KCNB2: variants seen among roughly 807,000 people sequenced by gnomAD.
KCNB2 encodes the protein potassium voltage-gated channel subfamily B member 2.
Under a neutral mutation model 61.5 loss-of-function variants are expected in KCNB2, and 15 were observed. That is an observed-to-expected ratio of 0.24 (90% CI 0.16 to 0.38). The LOEUF (loss-of-function observed/expected upper bound fraction) is 0.38, where lower values mean the gene tolerates loss of function less well. Among genes scored for constraint, KCNB2 ranks in the 10% least tolerant of loss-of-function variants. The probability of loss-of-function intolerance (pLI) is 1.00; values close to 1 mark genes in which losing one functional copy is unlikely to be tolerated. For missense variants in KCNB2, 828 were observed against 1,125.2 expected (o/e 0.74, Z 3.78); for synonymous variants, 457 against 446.0 (o/e 1.02, Z -0.31).
chr8:72,795,784 T>C (rs1437449043), intron 2 of KCNB2, among the ~76,000 whole-genome samples: 1 of 152,202 alleles, frequency 6.6e-6, no homozygotes, highest in Non-Finnish European at 1.5e-5. Flanking sequence ...AAAACATTTG[T>C]GCAACCATTG....
intron 2 of KCNB2, among the ~76,000 whole-genome samples, chr8:72,571,445 C>A (rs994797054): frequency 1.3e-5 from 2 of 152,128 alleles, no homozygotes; most frequent in Non-Finnish European, 2.9e-5. Context: ...TTACATTTAA[C>A]AAATTAACAT....
rs983654502 is a variant in KCNB2 at position 72,936,570 on chromosome 8, G to A, written c.1215G>A (p.Gly405=). The change falls in exon 3 of 3, where the codon GGG becomes GGA. Residue 405 remains glycine (G), a synonymous_variant. Transcript: ENST00000523207. This position sits in a 1 kb window ranked among gnomAD's most constrained non-coding sequence, Gnocchi z 5.6. ...KIVGGLCCIA[G]VLVIALPIPI... is the part of the protein sequence containing the mutation. ...TGGGAGGTCTGTGCTGTATTGCTGG[G>A]GTTCTGGTTATTGCCCTTCCTATCC... The A allele has an allele frequency of 6.2e-7, 1 of 1,614,132 alleles. No individual in the cohort carries two copies. Among genetic ancestry groups the A allele is most frequent in the Non-Finnish European group, 8.5e-7 (1 of 1,180,020 alleles).
chr8:72,667,311 C>A (rs1214351332), intron 2 of KCNB2, among the ~76,000 whole-genome samples: 1 of 152,144 alleles, frequency 6.6e-6, no homozygotes, highest in Admixed American at 6.6e-5. Context: ...TGCACACATT[C>A]TCTCTAGGTG....
chr8:72,845,117 G>A (rs1036492046), intron 2 of KCNB2, among the ~76,000 whole-genome samples: 5 of 152,092 alleles, frequency 3.3e-5, no homozygotes, highest in Non-Finnish European at 5.9e-5. Context: ...CTTTGGATGG[G>A]GTTTTTGTGT....
chr8:72,897,110 C>T (rs1477101723), intron 2 of KCNB2, among the ~76,000 whole-genome samples: 1 of 151,948 alleles, frequency 6.6e-6, no homozygotes, highest in African/African-American at 2.4e-5. Flanking sequence ...TAGGAAATTG[C>T]CTTGATCTTT....
intron 2 of KCNB2, among the ~76,000 whole-genome samples, chr8:72,737,677 C>T (rs1807871750): frequency 6.6e-6 from 1 of 152,094 alleles, no homozygotes; most frequent in Non-Finnish European, 1.5e-5. Context: ...TTAGTACTAA[C>T]TAGTAGTTGG....
intron 2 of KCNB2, among the ~76,000 whole-genome samples, chr8:72,840,652 T>C (rs7009462): frequency 0.85 from 129,734 of 152,152 alleles, 56,278 homozygotes; most frequent in Middle Eastern, 0.97. Flanking sequence ...ATTTCTCTAA[T>C]GACCAGTGAT....
At chr8:72,764,769 C>T (rs1326406200) in intron 2 of KCNB2, among the ~76,000 whole-genome samples, 2 of 152,126 alleles carry the variant, frequency 1.3e-5, no homozygotes, top group Non-Finnish European at 2.9e-5. Context: ...TAGGAGAGTA[C>T]GTTCTCAAAT....
chr8:72,701,416 G>T (rs2128991046), intron 2 of KCNB2, among the ~76,000 whole-genome samples: 1 of 152,174 alleles, frequency 6.6e-6, no homozygotes, highest in Middle Eastern at 3.4e-3. Context: ...GTCATTTAAT[G>T]ACAAAGTTAT....
At chr8:72,883,229 C>G (rs1215524572) in intron 2 of KCNB2, among the ~76,000 whole-genome samples, 2 of 152,292 alleles carry the variant, frequency 1.3e-5, no homozygotes, top group East Asian at 3.9e-4. Flanking sequence ...TAGGAAAGCC[C>G]TGAAAAGAAG....
chr8:72,826,372 G>T (rs1809596283), intron 2 of KCNB2, among the ~76,000 whole-genome samples: 1 of 152,174 alleles, frequency 6.6e-6, no homozygotes, highest in African/African-American at 2.4e-5. Context: ...GCATCCTAAT[G>T]AAAGTGCATT....
At chr8:72,902,600 A>T (rs1012567916) in intron 2 of KCNB2, among the ~76,000 whole-genome samples, 4 of 152,168 alleles carry the variant, frequency 2.6e-5, no homozygotes, top group Non-Finnish European at 4.4e-5. Context: ...AATGTCTATT[A>T]TTTCACTCTG....
intron 2 of KCNB2, chr8:72,751,337 A>C (rs1474666840): frequency 6.6e-6 from 1 of 152,214 alleles, no homozygotes; most frequent in East Asian, 1.9e-4. Context: ...TTTGTAAAAC[A>C]TTCTTATGCA....
At chr8:72,829,235 T>TA (rs1809649017) in intron 2 of KCNB2, among the ~76,000 whole-genome samples, 1 of 152,218 alleles carries the variant, frequency 6.6e-6, no homozygotes, top group African/African-American at 2.4e-5. Context: ...GACACTGTCT[T>TA]ACAGGACTTA....
intron 2 of KCNB2, among the ~76,000 whole-genome samples, chr8:72,853,577 T>C (rs1287717885): frequency 6.6e-6 from 1 of 152,208 alleles, no homozygotes; most frequent in African/African-American, 2.4e-5. Flanking sequence ...AATTTCTTTA[T>C]CTGTAAAATA....
At chr8:72,746,583 C>G (rs2128995182) in intron 2 of KCNB2, among the ~76,000 whole-genome samples, 1 of 152,272 alleles carries the variant, frequency 6.6e-6, no homozygotes, top group East Asian at 1.9e-4. Flanking sequence ...GTGGCTTCAT[C>G]TACTGGTTTT....
At chr8:72,857,070 C>T (rs1053062623) in intron 2 of KCNB2, among the ~76,000 whole-genome samples, 2 of 152,174 alleles carry the variant, frequency 1.3e-5, no homozygotes, top group African/African-American at 4.8e-5. Flanking sequence ...TTACTTCATT[C>T]ATTCTTTTAG....
chr8:72,846,194 G>A (rs1216935602), intron 2 of KCNB2, among the ~76,000 whole-genome samples: 1 of 152,110 alleles, frequency 6.6e-6, no homozygotes, highest in African/African-American at 2.4e-5. Flanking sequence ...CCTTGGCTAG[G>A]AGAAGGAGTT....
intron 2 of KCNB2, among the ~76,000 whole-genome samples, chr8:72,747,520 A>T (rs753738438): frequency 2.0e-5 from 3 of 151,848 alleles, no homozygotes; most frequent in Non-Finnish European, 4.4e-5. Context: ...CTCAAATCTC[A>T]AAGTGTTACC....
Sources: gnomAD v4.1 joint callset for allele counts (sites outside exome capture counted in the v4.1 genomes callset) on GRCh38, gnomAD v4.1.1 for gene constraint, Gnocchi (gnomAD v3.1) non-coding constraint, MANE v1.5 for transcripts, NCBI Gene and HGNC (gene_info 2026-07-23, HGNC 2026-07-21) for gene names.